The following SYTL2 variants were observed in gnomAD, a reference collection of about 807,000 sequenced individuals.
SYTL2 encodes the protein synaptotagmin-like protein 2.
Under a neutral mutation model 198.7 loss-of-function variants are expected in SYTL2, and 165 were observed. The observed-to-expected ratio is 0.83, with a 90% CI of 0.73 to 0.94. SYTL2 has a LOEUF of 0.94. SYTL2 is among the 40% of genes least tolerant of loss of function. SYTL2 has a pLI of 0.00. For missense variants in SYTL2, 2,835 were observed against 2,582.8 expected, an observed-to-expected ratio of 1.10 and a Z score of -2.12; for synonymous variants, 966 against 917.7, an observed-to-expected ratio of 1.05 and a Z score of -0.95.
chr11:85,702,610 A>G (rs1028050986), intron 16 of SYTL2, among the ~76,000 whole-genome samples: 5 of 152,202 alleles, frequency 3.3e-5, no homozygotes, highest in Non-Finnish European at 7.4e-5. Flanking sequence ...GCAAACAAAA[A>G]CTAGACCAGA....
chr11:85,751,138 T>G (rs1392878623), intron 2 of SYTL2, among the ~76,000 whole-genome samples: 1 of 152,190 alleles, frequency 6.6e-6, no homozygotes, highest in African/African-American at 2.4e-5. Context: ...CTCACTTGTT[T>G]TAAAGTGGCA....
In SYTL2 at chr11:85,719,234, T is replaced by A. The variant is rs1011923623; in HGVS notation, c.5429-391A>T. 2.5e-6 allele frequency: 3 copies of A among 1,202,394 alleles called. No homozygotes were observed. The African/African-American group carries it at 4.7e-5, about 19-fold the overall frequency. 74.5% of individuals were successfully genotyped at this position (1,202,394 alleles called of 1,614,324 possible). A position where few individuals can be genotyped will look rare whatever the true frequency, so the allele number is the denominator to read the frequency against. ...CCATGGTCATTAACAAATATTTGTGTGTGTGCATCATCATTCACATATGCC... is the reference window on the plus strand; with the variant it reads ...CCATGGTCATTAACAAATATTTGTGAGTGTGCATCATCATTCACATATGCC... On this transcript the variant is annotated intron_variant, in intron 9 of 19. Transcript: ENST00000359152.
At chr11:85,789,567 A>T (rs551296688) in intron 1 of SYTL2, among the ~76,000 whole-genome samples, 1 of 151,228 alleles carries the variant, frequency 6.6e-6, no homozygotes, top group African/African-American at 2.4e-5. Flanking sequence ...TATCAGTTTT[A>T]TTCTCTTCCT....
At chr11:85,819,795 T>C in the SYTL2 span, among the ~76,000 whole-genome samples, 1 of 152,212 alleles carries the variant, frequency 6.6e-6, no homozygotes, top group Non-Finnish European at 1.5e-5. Flanking sequence ...CATAAATCAT[T>C]CCATCTTCTA....
chr11:85,850,943 G>A, the SYTL2 span, among the ~76,000 whole-genome samples: 11 of 143,304 alleles, frequency 7.7e-5, no homozygotes, highest in Non-Finnish European at 1.2e-4. Context: ...ACCAAACACC[G>A]CATATTCTCA....
chr11:85,833,225 A>T, the SYTL2 span, among the ~76,000 whole-genome samples: 1 of 149,976 alleles, frequency 6.7e-6, no homozygotes, highest in Non-Finnish European at 1.5e-5. Context: ...CTTTAAAAAA[A>T]TTATATCATA....
At chr11:85,799,443 G>A (rs1206461861) in intron 1 of SYTL2, among the ~76,000 whole-genome samples, 1 of 152,226 alleles carries the variant, frequency 6.6e-6, no homozygotes, top group African/African-American at 2.4e-5. Context: ...TAGAGCTGCA[G>A]TTTTAAGAAC....
chr11:85,743,228 C>A (rs186792328), intron 4 of SYTL2, among the ~76,000 whole-genome samples: 1 of 152,200 alleles, frequency 6.6e-6, no homozygotes, highest in Admixed American at 6.5e-5. Context: ...CTTAACACAC[C>A]CAGTTCACAA....
At position 85,727,597 on chromosome 11, in the gene SYTL2, T is replaced by C; in HGVS notation, c.1761A>G (p.Arg587=). ...CCTCTGCTTGGAATGGTGAGTCAGATCTCACAGGCTTCAATTCAATTTTGC... is the reference window on the plus strand; with the variant it reads ...CCTCTGCTTGGAATGGTGAGTCAGACCTCACAGGCTTCAATTCAATTTTGC... The part of the protein sequence containing the change: ...SPSKIELKPV[R]SDSPFQAEGD... The change falls in exon 8 of 20, where the codon AGA becomes AGG. Residue 587 remains arginine, a synonymous_variant. Coordinates refer to ENST00000359152, the MANE Select transcript of SYTL2 (RefSeq NM_206927.4). 1.3e-6 allele frequency: 2 copies of C among 1,536,134 alleles called. No homozygotes were observed. Among genetic ancestry groups the C allele is most frequent in the Non-Finnish European group, 1.7e-6 (2 of 1,146,878 alleles).
intron 1 of SYTL2, among the ~76,000 whole-genome samples, chr11:85,794,491 T>TAA (rs1420535702): frequency 6.6e-6 from 1 of 152,190 alleles, no homozygotes. Context: ...TTTTAAATTT[T>TAA]AAAGGACAAC....
intron 1 of SYTL2, among the ~76,000 whole-genome samples, chr11:85,784,597 G>T (rs2092608598): frequency 1.3e-5 from 2 of 152,106 alleles, no homozygotes; most frequent in South Asian, 4.1e-4. Context: ...CAAATTCAGG[G>T]TCCATAATTA....
the SYTL2 span, among the ~76,000 whole-genome samples, chr11:85,832,176 C>T: frequency 2.0e-5 from 3 of 152,216 alleles, no homozygotes; most frequent in Non-Finnish European, 2.9e-5. Flanking sequence ...TAAAAGCTAC[C>T]ACTTATTGGG....
intron 1 of SYTL2, among the ~76,000 whole-genome samples, chr11:85,790,779 AC>A (rs2092716733): frequency 6.6e-6 from 1 of 152,210 alleles, no homozygotes; most frequent in Admixed American, 6.5e-5. Context: ...GAAGAGATAA[AC>A]ATAGGACCTG....
At chr11:85,830,510 C>T in the SYTL2 span, among the ~76,000 whole-genome samples, 1 of 152,188 alleles carries the variant, frequency 6.6e-6, no homozygotes, top group African/African-American at 2.4e-5. Context: ...CCTTGTCCAA[C>T]CTCTGAGTTT....
chr11:85,817,798 C>T, the SYTL2 span, among the ~76,000 whole-genome samples: 1 of 151,974 alleles, frequency 6.6e-6, no homozygotes, highest in Admixed American at 6.6e-5. Context: ...AGTTACTCTG[C>T]TTTAGAATTC....
chr11:85,777,856 T>C (rs1202398294), intron 1 of SYTL2, among the ~76,000 whole-genome samples: 1 of 144,006 alleles, frequency 6.9e-6, no homozygotes, highest in Non-Finnish European at 1.5e-5. Context: ...GTTTTGCTCT[T>C]GTTGCCCAGG....
chr11:85,705,320 T>G (rs2084958250), intron 15 of SYTL2: 1 of 231,292 alleles, frequency 4.3e-6, no homozygotes, highest in African/African-American at 2.2e-5. Flanking sequence ...CAATTTTCGC[T>G]GAATATTTTT....
intron 13 of SYTL2, 98 bp from the exon 14 acceptor site, chr11:85,709,598 C>T: frequency 8.3e-7 from 1 of 1,205,272 alleles, no homozygotes; most frequent in Non-Finnish European, 1.2e-6. Context: ...ATTTCTTTAG[C>T]TTGCTTATAA....
intron 3 of SYTL2, among the ~76,000 whole-genome samples, chr11:85,747,477 A>C (rs1318449429): frequency 6.6e-6 from 1 of 152,168 alleles, no homozygotes; most frequent in Non-Finnish European, 1.5e-5. Context: ...TGGGTGGATA[A>C]GTAAAGATTT....
Sources: allele counts gnomAD v4.1 joint callset (sites outside exome capture counted in the v4.1 genomes callset), GRCh38; gene constraint gnomAD v4.1.1; transcripts MANE v1.5; gene names NCBI Gene and HGNC (gene_info 2026-07-23, HGNC 2026-07-21).